The following LAMC3 variants were observed in gnomAD, a reference collection of about 807,000 sequenced individuals.
The protein encoded by LAMC3 is laminin subunit gamma 3.
A neutral mutation model predicts 173.8 loss-of-function variants in LAMC3; 128 were observed. The observed-to-expected ratio is 0.74, with a 90% CI of 0.64 to 0.85. The LOEUF is 0.85. LAMC3 is among the 40% of genes least tolerant of loss of function. The probability of loss-of-function intolerance (pLI) is 0.00; values close to 1 mark genes in which losing one functional copy is unlikely to be tolerated. For synonymous variants in LAMC3, 897 were observed against 909.1 expected (o/e 0.99, Z 0.24); for missense variants, 2,022 against 2,156.0 (o/e 0.94, Z 1.23).
chr9:131,015,822 A>AT (rs1320131921), intron 1 of LAMC3, among the ~76,000 whole-genome samples: 3 of 151,970 alleles, frequency 2.0e-5, no homozygotes, highest in African/African-American at 4.8e-5. Context: ...CACCCAGCTA[A>AT]TTTTTTGTAT....
rs1830467347 is a variant in LAMC3 at position 131,094,073 on chromosome 9, T to TAA, written c.*2288_*2289dup. ...AGATGATATACCTGCATTGGCCTCT[T>TAA]AAAGTTCTGGGATTTCAGGCATGAG... On this transcript the variant is annotated 3_prime_UTR_variant, in exon 28 of 28. Transcript: ENST00000361069. The TAA allele has an allele frequency of 6.6e-6, 1 of 152,232 alleles. No individual in the cohort carries two copies. Among genetic ancestry groups the TAA allele is most frequent in the Admixed American group, 6.5e-5 (1 of 15,276 alleles). The allele number at this position is 152,232 out of a possible 1,614,324, so 9.4% of individuals were successfully genotyped here.
At chr9:131,057,394 A>AGGC (rs1829702080) in intron 12 of LAMC3, among the ~76,000 whole-genome samples, 1 of 152,226 alleles carries the variant, frequency 6.6e-6, no homozygotes, top group East Asian at 1.9e-4. Context: ...TCAGGTGATA[A>AGGC]CCATAAGCCA....
intron 3 of LAMC3, among the ~76,000 whole-genome samples, chr9:131,034,945 T>TTG (rs1833914619): frequency 7.2e-6 from 1 of 138,096 alleles, no homozygotes; most frequent in Non-Finnish European, 1.6e-5. Context: ...GATGATTATT[T>TTG]ATTTATTTAT....
intron 1 of LAMC3, among the ~76,000 whole-genome samples, chr9:131,017,180 CT>C (rs899096912): frequency 8.5e-5 from 13 of 152,138 alleles, no homozygotes; most frequent in Admixed American, 8.5e-4. Context: ...GCGCGGGCTG[CT>C]GCGGGTCACC....
Position 131,067,184 on chromosome 9 carries a change from C to G in LAMC3, c.2572C>G (p.Arg858Gly). 2.5e-6 allele frequency: 4 copies of G among 1,614,026 alleles called. No individual in the cohort carries two copies. Among genetic ancestry groups the G allele is most frequent in the African/African-American group, 1.3e-5 (1 of 75,034 alleles). ...EGFYGSALAP[R>G]PADKCMPCSC... ...CTTCTACGGGAGCGCCCTGGCCCCT[C>G]GACCCGCAGACAAATGCATGCGTGA... The change falls in exon 14 of 28, where the codon CGA becomes GGA. Residue 858 changes from arginine (R) to glycine (G), a missense_variant. Transcript: ENST00000361069.
At chr9:131,048,308 C>T (rs1428780970) in intron 8 of LAMC3, among the ~76,000 whole-genome samples, 1 of 152,152 alleles carries the variant, frequency 6.6e-6, no homozygotes, top group Non-Finnish European at 1.5e-5. Flanking sequence ...CCACCCACCT[C>T]GGCCTCTCAG....
chr9:131,074,059 G>A (rs1830082722), intron 20 of LAMC3, among the ~76,000 whole-genome samples: 1 of 146,422 alleles, frequency 6.8e-6, no homozygotes, highest in African/African-American at 2.5e-5. Flanking sequence ...CCATTCTCCT[G>A]CCTCAGCCTC....
At chr9:131,052,704 T>G (rs755803698) in intron 10 of LAMC3, 21 bp downstream of exon 10, 1 of 1,600,370 alleles carries the variant, frequency 6.2e-7, no homozygotes, top group South Asian at 1.1e-5. Context: ...CCTTCTGTCC[T>G]GAGAGATGGG....
intron 4 of LAMC3, among the ~76,000 whole-genome samples, chr9:131,036,662 C>G (rs1833950634): frequency 6.6e-6 from 1 of 152,158 alleles, no homozygotes; most frequent in East Asian, 1.9e-4. Flanking sequence ...ACCAGGCTAC[C>G]CAACAAGCAA....
chr9:131,045,709 A>G (rs1373012033), intron 8 of LAMC3, 49 bp downstream of exon 8: 1 of 1,607,156 alleles, frequency 6.2e-7, no homozygotes, highest in Admixed American at 1.7e-5. Context: ...CTCCCAGCCT[A>G]GGCAGGTGAT....
intron 12 of LAMC3, among the ~76,000 whole-genome samples, chr9:131,060,072 C>T (rs1829778488): frequency 6.6e-6 from 1 of 152,112 alleles, no homozygotes; most frequent in African/African-American, 2.4e-5. Context: ...CAGGTGCAGT[C>T]GGCCTGGGGA....
At position 131,092,893 on chromosome 9, in the gene LAMC3, C is replaced by T. The variant is rs1588174451; in HGVS notation, c.*1106C>T. On this transcript the variant is annotated 3_prime_UTR_variant, in exon 28 of 28. Coordinates refer to ENST00000361069, the MANE Select transcript of LAMC3 (RefSeq NM_006059.4). ...CTCAGCATTTCCTCTTGGCATCCCT[C>T]CCCTCTCCCAGACCCTCTTCCAGCA... 6.6e-6 allele frequency: 1 copy of T among 152,646 alleles called. No homozygotes were observed. The highest frequency in any genetic ancestry group is 1.9e-4 in the East Asian group (1 of 5,184). 9.5% of individuals were successfully genotyped at this position (152,646 alleles called of 1,614,324 possible). A position where few individuals can be genotyped will look rare whatever the true frequency, so the allele number is the denominator to read the frequency against.
At position 131,091,722 on chromosome 9, in the gene LAMC3, G is replaced by A. The variant is rs760004873; in HGVS notation, c.4663G>A (p.Ala1555Thr). The A allele has an allele frequency of 5.0e-6, 8 of 1,613,004 alleles. No homozygotes were observed. The highest frequency in any genetic ancestry group is 3.3e-4 in the Middle Eastern group (2 of 6,062). Residue 1555 changes from alanine to threonine, a missense_variant, in exon 28 of 28, where the codon GCC becomes ACC. By Grantham distance (58) the Ala-to-Thr change is moderately conservative. Coordinates refer to ENST00000361069, the MANE Select transcript of LAMC3 (RefSeq NM_006059.4). Reference protein sequence around the residue: ...GFESDLAEIRADKQNLEAILH... With the variant: ...GFESDLAEIRTDKQNLEAILH... The stretch of plus-strand genomic sequence containing the variant: ...CGAGAGTGACCTCGCCGAGATCCGC[G>A]CCGACAAACAGAACCTGGAGGCCAT...
intron 23 of LAMC3, among the ~76,000 whole-genome samples, chr9:131,079,975 G>A (rs1830209213): frequency 6.6e-6 from 1 of 152,114 alleles, no homozygotes; most frequent in Admixed American, 6.6e-5. Context: ...CGATAATTTT[G>A]TTTTTAATTT....
At position 131,029,755 on chromosome 9, in the gene LAMC3, G is replaced by C. The variant is rs1202916801; in HGVS notation, c.679-2290G>C. ...AGAAGGTCGACCTGGCTGTTGCAGA[G>C]TAAGACCGCCAGAGTTGAGGGGCCG... is the stretch of plus-strand genomic sequence containing the variant. On this transcript the variant is annotated intron_variant, in intron 2 of 27. Coordinates refer to ENST00000361069, the MANE Select transcript of LAMC3 (RefSeq NM_006059.4). This position sits in a 1 kb window ranked among gnomAD's most constrained non-coding sequence, Gnocchi z 4.6. Among the ~76,000 whole-genome samples, 1 of 152,126 alleles carries C rather than the reference G, an allele frequency of 6.6e-6. No homozygotes were observed. Among genetic ancestry groups the C allele is most frequent in the Non-Finnish European group, 1.5e-5 (1 of 68,016 alleles).
At chr9:131,091,461 G>T in intron 27 of LAMC3, 76 bp from the exon 28 acceptor site, 2 of 1,534,256 alleles carry the variant, frequency 1.3e-6, no homozygotes. Flanking sequence ...GCTGGGGAGA[G>T]GCTCAGGGGC....
At chr9:131,030,918 A>G (rs1393560239) in intron 2 of LAMC3, among the ~76,000 whole-genome samples, 1 of 152,232 alleles carries the variant, frequency 6.6e-6, no homozygotes, top group Non-Finnish European at 1.5e-5. Context: ...CTTTAACCAG[A>G]TCCCTGAATG....
chr9:131,062,944 C>T (rs761350081), intron 13 of LAMC3, among the ~76,000 whole-genome samples: 4 of 151,948 alleles, frequency 2.6e-5, no homozygotes, highest in African/African-American at 4.8e-5. Flanking sequence ...AGCTGTTCTC[C>T]TCTCTGTCTC....
chr9:131,087,961 C>G, intron 27 of LAMC3, 144 bp downstream of exon 27: 1 of 756,564 alleles, frequency 1.3e-6, no homozygotes, highest in Admixed American at 2.0e-5. Flanking sequence ...TGGTCAATCA[C>G]AAGCATTTAT....
Sources: allele counts gnomAD v4.1 joint callset (sites outside exome capture counted in the v4.1 genomes callset), GRCh38; gene constraint gnomAD v4.1.1; non-coding constraint Gnocchi (gnomAD v3.1); transcripts MANE v1.5; gene names NCBI Gene and HGNC (gene_info 2026-07-23, HGNC 2026-07-21).